The following ZNF385D variants were observed in gnomAD, a reference collection of about 807,000 sequenced individuals.
The protein encoded by ZNF385D is zinc finger protein 385D.
ZNF385D carries 15 observed loss-of-function variants against 35.8 expected under a neutral mutation model. The ratio of observed to expected loss-of-function variants is 0.42; its 90% CI spans 0.28 to 0.64. The LOEUF is 0.64. ZNF385D is among the 30% of genes least tolerant of loss of function. ZNF385D has a pLI of 0.23. For synonymous variants in ZNF385D, 212 were observed against 186.8 expected, an observed-to-expected ratio of 1.13 and a Z score of -1.10; for missense variants, 474 against 494.6, an observed-to-expected ratio of 0.96 and a Z score of 0.39.
At chr3:21,488,348 C>CACACAG (rs1705179740) in intron 4 of ZNF385D, among the ~76,000 whole-genome samples, 1 of 12,754 alleles carries the variant, frequency 7.8e-5, no homozygotes, top group East Asian at 7.2e-3. Context: ...GACACACAGA[C>CACACAG]ACACACACAC....
In ZNF385D at chr3:21,418,915, A is replaced by C. The variant is rs891790884; in HGVS notation, c.*2299T>G. 1.3e-5 allele frequency: 2 copies of C among 152,170 alleles called. No individual in the cohort carries two copies. The highest frequency in any genetic ancestry group is 2.9e-5 in the Non-Finnish European group (2 of 68,026). 9.4% of individuals were successfully genotyped at this position (152,170 alleles called of 1,614,324 possible). Reference sequence around the variant, plus strand: ...CACATGGGATACAGACAGAGCCCCAAACAACAGACTTATGGGCAACTATCC... The same window carrying C: ...CACATGGGATACAGACAGAGCCCCACACAACAGACTTATGGGCAACTATCC... On this transcript the variant is annotated 3_prime_UTR_variant, in exon 8 of 8. Transcript: ENST00000281523.
rs2062117652 is a variant in ZNF385D at position 21,539,378 on chromosome 3, AAC to A, written c.276+25194_276+25195del. ...TATCTAAATGCTGGTATCAAATAAA[AAC>A]ACAGAACTCTCTGTTGGCCTATTTC... On this transcript the variant is annotated intron_variant, in intron 3 of 7. Transcript: ENST00000281523. This position sits in a 1 kb window ranked among gnomAD's most constrained non-coding sequence, Gnocchi z 4.0. Among the ~76,000 whole-genome samples the A allele has an allele frequency of 6.6e-6, 1 of 152,232 alleles. No individual in the cohort carries two copies.
At chr3:22,075,081 C>G (rs1375892014) in intron 3 of ZNF385D, among the ~76,000 whole-genome samples, 1 of 151,808 alleles carries the variant, frequency 6.6e-6, no homozygotes, top group Non-Finnish European at 1.5e-5. Context: ...ATTACAAGGC[C>G]CCACTCCAGA....
chr3:22,168,879 T>A (rs1160197315), exon 3 of ZNF385D: 41 of 985,740 alleles, frequency 4.2e-5, no homozygotes, highest in Non-Finnish European at 4.8e-5. Context: ...TGATTTGCCA[T>A]TGTAGTGGAT....
intron 3 of ZNF385D, among the ~76,000 whole-genome samples, chr3:21,899,039 A>G (rs544356052): frequency 6.6e-6 from 1 of 152,216 alleles, no homozygotes; most frequent in East Asian, 1.9e-4. Flanking sequence ...ATTCCCTCAG[A>G]CAATAGTTCC....
At chr3:21,614,730 A>G (rs1474054915) in intron 2 of ZNF385D, among the ~76,000 whole-genome samples, 1 of 152,216 alleles carries the variant, frequency 6.6e-6, no homozygotes, top group Non-Finnish European at 1.5e-5. Context: ...CTGGGACTGC[A>G]GGCGAATGCC....
chr3:22,239,272 G>C (rs975903136), intron 2 of ZNF385D, among the ~76,000 whole-genome samples: 5 of 150,904 alleles, frequency 3.3e-5, no homozygotes, highest in African/African-American at 7.4e-5. Context: ...ATTCATTCAG[G>C]TATTGTGCGT....
At chr3:22,092,327 G>C (rs1314666493) in intron 3 of ZNF385D, among the ~76,000 whole-genome samples, 1 of 152,110 alleles carries the variant, frequency 6.6e-6, no homozygotes, top group African/African-American at 2.4e-5. Context: ...CTTGACGTTG[G>C]CTCCTACAAC....
In ZNF385D at chr3:21,894,593, T is replaced by C. The variant is rs141124013; in HGVS notation, c.326-229565A>G. Among the ~76,000 whole-genome samples, 129 of 152,344 alleles carry C rather than the reference T, an allele frequency of 8.5e-4. 1 individual carries two copies. The highest frequency in any genetic ancestry group is 2.7e-3 in the African/African-American group (112 of 41,588). ...ACCTTATTTTGTTTAAAGACCTTCT[T>C]TGTAATTATTTATACTTAATATAGT... On this transcript the variant is annotated intron_variant, in intron 3 of 5. Transcript: ENST00000494108.
At chr3:21,763,335 C>T (rs2125591022) in intron 3 of ZNF385D, among the ~76,000 whole-genome samples, 1 of 152,250 alleles carries the variant, frequency 6.6e-6, no homozygotes, top group East Asian at 1.9e-4. Context: ...AAGGTAATAA[C>T]TCAGCATTTT....
intron 1 of ZNF385D, among the ~76,000 whole-genome samples, chr3:21,716,080 A>AC (rs1309238946): frequency 1.3e-5 from 2 of 151,652 alleles, no homozygotes; most frequent in African/African-American, 4.8e-5. Context: ...CCCACACCCA[A>AC]CCCCTCAGCA....
At chr3:21,668,742 A>G (rs765090355) in intron 1 of ZNF385D, among the ~76,000 whole-genome samples, 22 of 152,228 alleles carry the variant, frequency 1.4e-4, no homozygotes, top group Non-Finnish European at 2.9e-4. Flanking sequence ...ACTATTTGCA[A>G]ATAGTGCAAA....
intron 2 of ZNF385D, among the ~76,000 whole-genome samples, chr3:22,290,179 T>A (rs1702228659): frequency 6.6e-6 from 1 of 152,160 alleles, no homozygotes; most frequent in South Asian, 2.1e-4. Context: ...ATGTGTGGCC[T>A]GAACCTTTGT....
At chr3:21,969,984 A>G (rs901221319) in intron 3 of ZNF385D, among the ~76,000 whole-genome samples, 1 of 152,122 alleles carries the variant, frequency 6.6e-6, no homozygotes, top group Non-Finnish European at 1.5e-5. Context: ...AGTCTGCAAG[A>G]GTTACTGTGT....
At chr3:21,913,891 TGTTG>T (rs747479640) in intron 3 of ZNF385D, among the ~76,000 whole-genome samples, 1 of 152,088 alleles carries the variant, frequency 6.6e-6, no homozygotes, top group African/African-American at 2.4e-5. Context: ...GGCAAGGATT[TGTTG>T]GTTGGTTATT....
chr3:21,992,486 T>C (rs1368900076), intron 3 of ZNF385D, among the ~76,000 whole-genome samples: 1 of 152,182 alleles, frequency 6.6e-6, no homozygotes, highest in Non-Finnish European at 1.5e-5. Context: ...TGTATTCAAC[T>C]CTTCCCGTGG....
chr3:21,565,564 G>GTAAC (rs1216306960), intron 2 of ZNF385D, among the ~76,000 whole-genome samples: 7 of 132,212 alleles, frequency 5.3e-5, no homozygotes, highest in Non-Finnish European at 8.1e-5. Context: ...ATTCTTTCAT[G>GTAAC]TAACTTCTTT....
chr3:22,004,728 C>G (rs1053625356), intron 3 of ZNF385D, among the ~76,000 whole-genome samples: 24 of 152,142 alleles, frequency 1.6e-4, no homozygotes, highest in African/African-American at 5.8e-4. Flanking sequence ...CATATCTCCT[C>G]CTTTGGAAAG....
At chr3:21,812,283 T>A (rs1377435843) in intron 3 of ZNF385D, among the ~76,000 whole-genome samples, 4 of 152,016 alleles carry the variant, frequency 2.6e-5, no homozygotes, top group Non-Finnish European at 1.5e-5. Flanking sequence ...CCAGCATGAG[T>A]GACGCAGAAG....
Sources: gnomAD v4.1 joint callset for allele counts (sites outside exome capture counted in the v4.1 genomes callset) on GRCh38, gnomAD v4.1.1 for gene constraint, Gnocchi (gnomAD v3.1) non-coding constraint, MANE v1.5 for transcripts, NCBI Gene and HGNC (gene_info 2026-07-23, HGNC 2026-07-21) for gene names.